The following PPP2R5E variants were observed in gnomAD, a reference collection of about 807,000 sequenced individuals.
PPP2R5E encodes serine/threonine-protein phosphatase 2A 56 kDa regulatory subunit epsilon isoform.
PPP2R5E carries 4 observed loss-of-function variants against 65.3 expected under a neutral mutation model. The ratio of observed to expected loss-of-function variants is 0.06; its 90% CI spans 0.03 to 0.14. The LOEUF (loss-of-function observed/expected upper bound fraction) is 0.14, where lower values mean the gene tolerates loss of function less well. Among genes scored for constraint, PPP2R5E ranks in the 10% least tolerant of loss-of-function variants. PPP2R5E has a pLI of 1.00. For synonymous variants in PPP2R5E, 183 were observed against 187.4 expected (o/e 0.98, Z 0.19); for missense variants, 274 against 556.1 (o/e 0.49, Z 5.10).
At chr14:63,439,955 T>C (rs761440640) in intron 3 of PPP2R5E, among the ~76,000 whole-genome samples, 68 of 152,218 alleles carry the variant, frequency 4.5e-4, no homozygotes, top group Admixed American at 9.2e-4. Context: ...TCTGAATTCA[T>C]ACACTGGCAC....
chr14:63,465,511 A>G (rs1388907058), intron 2 of PPP2R5E, among the ~76,000 whole-genome samples: 2 of 151,666 alleles, frequency 1.3e-5, no homozygotes, highest in Non-Finnish European at 2.9e-5. Context: ...CTGTAGTCTC[A>G]GCTACTTAGG....
intron 2 of PPP2R5E, among the ~76,000 whole-genome samples, chr14:63,506,316 T>C (rs944559132): frequency 1.3e-5 from 2 of 151,876 alleles, no homozygotes; most frequent in Admixed American, 6.6e-5. Flanking sequence ...CCGGGCATGG[T>C]GGCGGGCGCC....
chr14:63,529,297 C>T (rs375494823), intron 2 of PPP2R5E, among the ~76,000 whole-genome samples: 5 of 151,782 alleles, frequency 3.3e-5, no homozygotes, highest in Admixed American at 6.6e-5. Context: ...GAGATAGATC[C>T]GCCCACCTCA....
intron 2 of PPP2R5E, among the ~76,000 whole-genome samples, chr14:63,462,994 C>G (rs186420521): frequency 2.0e-5 from 3 of 148,018 alleles, no homozygotes; most frequent in East Asian, 4.2e-4. Context: ...CCCAGCTACC[C>G]GGGAGGCTGA....
chr14:63,530,909 G>A (rs1037579922), intron 2 of PPP2R5E, among the ~76,000 whole-genome samples: 9 of 152,008 alleles, frequency 5.9e-5, no homozygotes, highest in East Asian at 5.8e-4. Context: ...GAGCCACCGC[G>A]CCTGGCCAAT....
chr14:63,461,640 TA>T (rs199591299), intron 2 of PPP2R5E, among the ~76,000 whole-genome samples: 236 of 139,556 alleles, frequency 1.7e-3, no homozygotes, highest in Admixed American at 2.3e-3. Flanking sequence ...CTACAAAATT[TA>T]AAAAAAAAAA....
Position 63,418,955 on chromosome 14 carries a change from T to C in PPP2R5E, c.456+3038A>G, listed in dbSNP as rs1283429385. 2.7e-5 allele frequency among the ~76,000 whole-genome samples: 4 copies of C among 150,614 alleles called. No individual in the cohort carries two copies. In the Admixed American group the frequency reaches 2.7e-4, roughly 10 times the overall value. ...TCCGCCTCCCAGGTTCAAGCAATTC[T>C]CGTGCCTCAGCCTCCCAAGTAGCTG... On this transcript the variant is annotated intron_variant, in intron 4 of 13. Coordinates refer to ENST00000337537, the MANE Select transcript of PPP2R5E (RefSeq NM_006246.5).
chr14:63,487,036 T>C (rs1192406088), intron 2 of PPP2R5E, among the ~76,000 whole-genome samples: 2 of 152,224 alleles, frequency 1.3e-5, no homozygotes, highest in East Asian at 1.9e-4. Flanking sequence ...TGAATACAGC[T>C]GAACTGTCTC....
chr14:63,533,506 A>G (rs1308969581), intron 2 of PPP2R5E, among the ~76,000 whole-genome samples: 1 of 152,220 alleles, frequency 6.6e-6, no homozygotes, highest in Non-Finnish European at 1.5e-5. Flanking sequence ...GGCTGTGGTG[A>G]GCCGAGATCG....
In PPP2R5E at chr14:63,393,847, G is replaced by C. The variant is rs112894962; in HGVS notation, c.822C>G (p.Val274=). 13 of 1,606,818 alleles carry C rather than the reference G, an allele frequency of 8.1e-6. No individual in the cohort carries two copies. The African/African-American group carries it at 9.4e-5, about 12-fold the overall frequency. The stretch of plus-strand genomic sequence containing the variant: ...GTGCATGGAAGAGTGATAAGCTCCT[G>C]ACAGTGTGTAAAGGGATCAATACTT... The part of the protein sequence containing the change: ...LVKVLIPLHT[V]RSLSLFHAQL... Residue 274 remains valine, a synonymous_variant, in exon 8 of 14, where the codon GTC becomes GTG. Coordinates refer to ENST00000337537, the MANE Select transcript of PPP2R5E (RefSeq NM_006246.5).
intron 3 of PPP2R5E, among the ~76,000 whole-genome samples, chr14:63,432,936 T>A (rs1173716394): frequency 2.0e-5 from 3 of 151,562 alleles, no homozygotes; most frequent in African/African-American, 7.3e-5. Flanking sequence ...TAAGTCAAAC[T>A]AAGTTTTCAT....
chr14:63,506,677 C>A (rs1278017963), intron 2 of PPP2R5E, among the ~76,000 whole-genome samples: 2 of 152,072 alleles, frequency 1.3e-5, no homozygotes, highest in Non-Finnish European at 2.9e-5. Context: ...GAAATTAAAT[C>A]CCTCATACCT....
At chr14:63,483,421 G>C (rs554687899) in intron 2 of PPP2R5E, among the ~76,000 whole-genome samples, 1 of 130,372 alleles carries the variant, frequency 7.7e-6, no homozygotes, top group South Asian at 2.2e-4. Flanking sequence ...ACTCTTGAGA[G>C]AGCAAAAAGA....
At chr14:63,499,791 T>C (rs1891767659) in intron 2 of PPP2R5E, among the ~76,000 whole-genome samples, 1 of 152,000 alleles carries the variant, frequency 6.6e-6, no homozygotes, top group Admixed American at 6.6e-5. Flanking sequence ...AGAGACCATC[T>C]ATTCTAGTCC....
chr14:63,413,878 C>T lies in PPP2R5E; in HGVS notation c.549+1262G>A, dbSNP rs143509268. Among the ~76,000 whole-genome samples, 819 of 152,270 alleles carry T rather than the reference C, an allele frequency of 5.4e-3. 11 individuals carry two copies. The highest frequency in any genetic ancestry group is 0.019 in the African/African-American group (788 of 41,544). Reference sequence around the variant, plus strand: ...TGAGCCAGGATTCACCAGTGTGGTACCAAAGTACTCTAAATGTGAAGTATT... The same window carrying T: ...TGAGCCAGGATTCACCAGTGTGGTATCAAAGTACTCTAAATGTGAAGTATT... On this transcript the variant is annotated intron_variant, in intron 5 of 13. Transcript: ENST00000337537.
intron 3 of PPP2R5E, among the ~76,000 whole-genome samples, chr14:63,430,377 G>GCATACATACATACATGCATA (rs1887588243): frequency 7.3e-6 from 1 of 136,950 alleles, no homozygotes; most frequent in East Asian, 2.3e-4. Flanking sequence ...ATACATGCAT[G>GCATACATACATACATGCATA]CATACATACA....
At chr14:63,482,046 T>G (rs1210957435) in intron 2 of PPP2R5E, among the ~76,000 whole-genome samples, 1 of 152,234 alleles carries the variant, frequency 6.6e-6, no homozygotes, top group Non-Finnish European at 1.5e-5. Context: ...TTTTAAAATA[T>G]CCTAGAAATT....
At chr14:63,390,190 GA>G (rs1392130794) in intron 10 of PPP2R5E, among the ~76,000 whole-genome samples, 3 of 151,842 alleles carry the variant, frequency 2.0e-5, no homozygotes, top group Non-Finnish European at 4.4e-5. Flanking sequence ...CAATGCTCTA[GA>G]ACGCACTCAT....
At chr14:63,488,203 A>AT (rs34672945) in intron 2 of PPP2R5E, among the ~76,000 whole-genome samples, 2,798 of 148,268 alleles carry the variant, frequency 0.019, 73 homozygotes, top group African/African-American at 0.063. Context: ...TCAGTGAATG[A>AT]TTTTTTTTTT....
Sources: allele counts gnomAD v4.1 joint callset (sites outside exome capture counted in the v4.1 genomes callset), GRCh38; gene constraint gnomAD v4.1.1; transcripts MANE v1.5; gene names NCBI Gene and HGNC (gene_info 2026-07-23, HGNC 2026-07-21).